The following KRT4 variants were observed in gnomAD, a reference collection of about 807,000 sequenced individuals.
KRT4 encodes keratin, type II cytoskeletal 4.
KRT4 carries 47 observed loss-of-function variants against 50.6 expected under a neutral mutation model. The ratio of observed to expected loss-of-function variants is 0.93; its 90% CI spans 0.73 to 1.18. The LOEUF is 1.18. Among genes scored for constraint, KRT4 ranks in the 50% most tolerant of loss-of-function variants. The pLI, the probability that KRT4 is intolerant of heterozygous loss-of-function variation, is 0.00. For missense variants in KRT4, 651 were observed against 645.7 expected (o/e 1.01, Z -0.09); for synonymous variants, 254 against 251.2 (o/e 1.01, Z -0.10).
At chr12:52,808,533 A>C in intron 5 of KRT4, 114 bp from the exon 6 acceptor site, 1 of 1,539,468 alleles carries the variant, frequency 6.5e-7, no homozygotes, top group Non-Finnish European at 9.0e-7. Context: ...CCAAATGTCA[A>C]GTAGTTTCAA....
intron 7 of KRT4, 83 bp from the exon 8 acceptor site, chr12:52,807,476 T>C: frequency 5.8e-6 from 9 of 1,560,676 alleles, no homozygotes; most frequent in Non-Finnish European, 7.9e-6. Context: ...TCTCTTATCC[T>C]TGAGCAGCCT....
intron 2 of KRT4, 23 bp from the exon 3 acceptor site, chr12:52,810,839 A>G (rs201529825): frequency 6.4e-5 from 102 of 1,601,550 alleles, no homozygotes; most frequent in Non-Finnish European, 8.4e-5. Context: ...ACGGGGAGAA[A>G]AAGACAAAAA....
intron 3 of KRT4, 71 bp from the exon 4 acceptor site, chr12:52,809,549 AC>A: frequency 9.4e-7 from 1 of 1,065,432 alleles, no homozygotes; most frequent in South Asian, 1.2e-5. Context: ...ACTAAGTGAC[AC>A]CGACAGGTGT....
intron 4 of KRT4, 65 bp downstream of exon 4, chr12:52,809,318 C>T: frequency 7.8e-7 from 1 of 1,275,612 alleles, no homozygotes; most frequent in Non-Finnish European, 1.1e-6. Flanking sequence ...CTGTGAATCC[C>T]AACCAGCAGC....
chr12:52,809,043 G>T, intron 4 of KRT4, 193 bp from the exon 5 acceptor site: 1 of 692,622 alleles, frequency 1.4e-6, no homozygotes. Flanking sequence ...TGGTCCCCAG[G>T]AACCATAAGC....
intron 2 of KRT4, among the ~76,000 whole-genome samples, chr12:52,811,230 T>C (rs1939905108): frequency 1.3e-5 from 2 of 152,210 alleles, no homozygotes; most frequent in Non-Finnish European, 2.9e-5. Flanking sequence ...TCCTATCCCA[T>C]AGTGAGTTTA....
chr12:52,809,535 G>T, intron 3 of KRT4, 57 bp from the exon 4 acceptor site: 7 of 1,255,178 alleles, frequency 5.6e-6, no homozygotes, highest in Admixed American at 5.0e-5. Flanking sequence ...TAGGAGGACG[G>T]GTTACTAAGT....
At chr12:52,809,951 C>A (rs2121250218) in intron 3 of KRT4, among the ~76,000 whole-genome samples, 1 of 148,876 alleles carries the variant, frequency 6.7e-6, no homozygotes, top group East Asian at 1.9e-4. Context: ...TGTCTTTTTG[C>A]AGCAATGTGG....
rs140582332 is a variant in KRT4, at chr12:52,813,603, G to A, written c.456C>T (p.Ile152=). 11,654 of 1,613,642 alleles carry A rather than the reference G, an allele frequency of 7.2e-3. 69 individuals are homozygous for A. The highest frequency in any genetic ancestry group is 8.6e-3 in the Non-Finnish European group (10,144 of 1,179,766). The part of the protein sequence containing the change: ...KLLNNKFASF[I]DKVQFLEQQN... ...AGCCGAGGACACAGCTCACCTTGTC[G>A]ATGAAGGAGGCAAACTTGTTGTTGA... is the stretch of plus-strand genomic sequence containing the variant. The change falls in exon 1 of 9, where the codon ATC becomes ATT. Residue 152 remains isoleucine, a synonymous_variant. Transcript: ENST00000551956.
rs1199763663 is a variant in KRT4 at position 52,807,703 on chromosome 12, C to T, written c.1287G>A (p.Lys429=). The change falls in exon 7 of 9, where the codon AAG becomes AAA. Residue 429 remains lysine (K), a synonymous_variant. Transcript: ENST00000551956. The stretch of plus-strand genomic sequence containing the variant: ...TGGCGATCTCGATGTCCAAGGCCAG[C>T]TTCACACTCATGAGCTCCTGGTACT... ...LREYQELMSV[K]LALDIEIATY... 3.1e-6 allele frequency: 5 copies of T among 1,614,190 alleles called. No homozygotes were observed. The Admixed American group carries it at 8.3e-5, about 27-fold the overall frequency.
chr12:52,810,827 G>A lies in KRT4; in HGVS notation c.678-11C>T. 6.2e-7 allele frequency: 1 copy of A among 1,612,246 alleles called. No homozygotes were observed. The highest frequency in any genetic ancestry group is 8.5e-7 in the Non-Finnish European group (1 of 1,178,300). On this transcript the variant is annotated splice_polypyrimidine_tract_variant and intron_variant, in intron 2 of 8. Transcript: ENST00000551956. ...ATCTCCTCTTCATACCTGGGGGTGG[G>A]CACGGGGAGAAAAAGACAAAAACCC... is the stretch of plus-strand genomic sequence containing the variant.
At position 52,807,753 on chromosome 12, in the gene KRT4, C is replaced by T; in HGVS notation, c.1237G>A (p.Glu413Lys). The T allele has an allele frequency of 6.2e-7, 1 of 1,614,218 alleles. No homozygotes were observed. The highest frequency in any genetic ancestry group is 1.7e-5 in the Admixed American group (1 of 60,032). Residue 413 changes from glutamate to lysine, a missense_variant, in exon 7 of 9, where the codon GAG (glutamate) becomes AAG (lysine). Transcript: ENST00000551956. ...ELEAALQQAKEELARMLREYQ... is the reference protein window; with the variant it reads ...ELEAALQQAKKELARMLREYQ... Reference sequence around the variant, plus strand: ...TCACGCAGCATTCGTGCCAGCTCCTCCTTGGCCTGCTGCAGGGCAGCCTCC... The same window carrying T: ...TCACGCAGCATTCGTGCCAGCTCCTTCTTGGCCTGCTGCAGGGCAGCCTCC...
rs190897990 is a variant in KRT4 at position 52,807,137 on chromosome 12, C to G, written c.1495G>C (p.Gly499Arg). 400 of 1,614,132 alleles carry G rather than the reference C, an allele frequency of 2.5e-4. 1 individual carries two copies. The highest frequency in any genetic ancestry group is 1.2e-3 in the Admixed American group (72 of 60,024). ...GSGSGSGFGF[G>R]GSVSGSSSSK... ...CTGGAACTGCCAGAGACACTGCCAC[C>G]AAACCCAAAGCCACTTCCAGAGCCG... The change falls in exon 9 of 9, where the codon GGT becomes CGT. Residue 499 changes from glycine (G) to arginine (R), a missense_variant. Gly to Arg is a moderately radical substitution (Grantham distance 125). Coordinates refer to ENST00000551956, the MANE Select transcript of KRT4 (RefSeq NM_002272.4).
rs746579100 is a variant in KRT4 at position 52,811,911 on chromosome 12, T to A, written c.529A>T (p.Thr177Ser). The A allele has an allele frequency of 6.2e-7, 1 of 1,614,020 alleles. No individual in the cohort carries two copies. Residue 177 changes from threonine to serine, a missense_variant, in exon 2 of 9, where the codon ACC becomes TCC. By Grantham distance (58) the Thr-to-Ser change is moderately conservative. Coordinates refer to ENST00000551956, the MANE Select transcript of KRT4 (RefSeq NM_002272.4). ...TCAAGGTTTTTGCTGGAGGTGGTGG[T>A]CGTCTGCTGCTGGAGCAGGTTCCAT... ...TKWNLLQQQT[T>S]TTSSKNLEPL...
intron 3 of KRT4, 62 bp from the exon 4 acceptor site, chr12:52,809,540 C>T: frequency 4.3e-6 from 5 of 1,157,940 alleles, no homozygotes; most frequent in Non-Finnish European, 5.2e-6. Flanking sequence ...GGACGGGTTA[C>T]TAAGTGACAC....
rs1007522747 is a variant in KRT4, at chr12:52,806,647, G to A, written c.*422C>T. 1 of 272,882 alleles carries A rather than the reference G, an allele frequency of 3.7e-6. No individual in the cohort carries two copies. The highest frequency in any genetic ancestry group is 7.2e-6 in the Non-Finnish European group (1 of 138,692). 16.9% of individuals were successfully genotyped at this position (272,882 alleles called of 1,614,324 possible). A position where few individuals can be genotyped will look rare whatever the true frequency, so the allele number is the denominator to read the frequency against. On this transcript the variant is annotated 3_prime_UTR_variant, in exon 9 of 9. Coordinates refer to ENST00000551956, the MANE Select transcript of KRT4 (RefSeq NM_002272.4). ...ACTAAGTGGTTCTCATCCTAAGCTT[G>A]CAGGGCCAAGTGCTGCCGGGTGTTG...
At chr12:52,811,683 G>T in intron 2 of KRT4, 80 bp downstream of exon 2, 1 of 1,168,032 alleles carries the variant, frequency 8.6e-7, no homozygotes. Flanking sequence ...GAGATTCTAA[G>T]CCACTGGAGA....
chr12:52,807,546 GGCACA>G (rs1939821642), intron 7 of KRT4, 93 bp downstream of exon 7: 1 of 1,503,036 alleles, frequency 6.7e-7, no homozygotes. Flanking sequence ...GTAATGCACC[GGCACA>G]ACACTGATGC....
At chr12:52,813,493 G>A (rs1046911861) in intron 1 of KRT4, 104 bp downstream of exon 1, 1 of 1,017,450 alleles carries the variant, frequency 9.8e-7, no homozygotes, top group South Asian at 1.3e-5. Flanking sequence ...GCCCAGGGAA[G>A]TTCAGTGGTC....
Sources: gnomAD v4.1 joint callset for allele counts (sites outside exome capture counted in the v4.1 genomes callset) on GRCh38, gnomAD v4.1.1 for gene constraint, MANE v1.5 for transcripts, NCBI Gene and HGNC (gene_info 2026-07-23, HGNC 2026-07-21) for gene names.